LPO: variants seen among roughly 807,000 people sequenced by gnomAD.
LPO encodes lactoperoxidase.
Under a neutral mutation model 68.4 loss-of-function variants are expected in LPO, and 70 were observed. That is an observed-to-expected ratio of 1.02 (90% CI 0.84 to 1.25). The LOEUF (loss-of-function observed/expected upper bound fraction) is 1.25. Ranked by LOEUF, LPO falls within the 50% of genes most tolerant of loss-of-function variation. LPO has a pLI of 0.00. For synonymous variants in LPO, 360 were observed against 357.6 expected (o/e 1.01, Z -0.08); for missense variants, 873 against 908.4 (o/e 0.96, Z 0.50).
chr17:58,253,022 CAAAAAA>C lies in LPO; in HGVS notation c.1105+537_1105+542del, dbSNP rs765890765. Among the ~76,000 whole-genome samples the C allele has an allele frequency of 6.4e-3, 200 of 31,078 alleles. 1 individual carries two copies. Among genetic ancestry groups the C allele is most frequent in the African/African-American group, 0.024 (190 of 7,758 alleles). The allele number at this position is 31,078 out of a possible 152,430, so 20.4% of individuals were successfully genotyped here. On this transcript the variant is annotated intron_variant, in intron 8 of 12. Coordinates refer to ENST00000262290, the MANE Select transcript of LPO (RefSeq NM_006151.3). The stretch of plus-strand genomic sequence containing the variant: ...TGGGCAACAAAGCAAGACTCCATCT[CAAAAAA>C]AAAAAAAAAAAAAAAAAAAAGAAAG...
At chr17:58,249,375 G>T in intron 5 of LPO, 191 bp from the exon 6 acceptor site, 1 of 983,064 alleles carries the variant, frequency 1.0e-6, no homozygotes, top group Non-Finnish European at 1.5e-6. Flanking sequence ...TCTGGAAGCG[G>T]CACCTTTCCC....
At chr17:58,257,818 A>G (rs1970099792) in intron 9 of LPO, among the ~76,000 whole-genome samples, 1 of 152,174 alleles carries the variant, frequency 6.6e-6, no homozygotes, top group Admixed American at 6.5e-5. Flanking sequence ...TCTTTTTTAT[A>G]TAAGTTATTT....
chr17:58,242,768 C>G, intron 1 of LPO: 1 of 506,980 alleles, frequency 2.0e-6, no homozygotes, highest in Non-Finnish European at 3.5e-6. Flanking sequence ...TCTTTCCCTT[C>G]CACCATGTCT....
chr17:58,266,806 A>G (rs942233711), intron 11 of LPO, among the ~76,000 whole-genome samples: 1 of 152,182 alleles, frequency 6.6e-6, no homozygotes, highest in Admixed American at 6.5e-5. Context: ...AGAATGTCCC[A>G]TTTCCCCTAA....
chr17:58,252,757 C>T (rs1242319479), intron 8 of LPO, among the ~76,000 whole-genome samples: 2 of 151,302 alleles, frequency 1.3e-5, no homozygotes, highest in Non-Finnish European at 2.9e-5. Flanking sequence ...GGCTTGGTGG[C>T]TCACGCCTGT....
chr17:58,244,145 G>C, intron 3 of LPO, 64 bp downstream of exon 3: 11 of 1,310,718 alleles, frequency 8.4e-6, no homozygotes, highest in Non-Finnish European at 1.2e-5. Context: ...CCCTTCACAG[G>C]CTTCCTGTTC....
In LPO at chr17:58,267,414, G is replaced by A. The variant is rs766362520; in HGVS notation, c.1759G>A (p.Val587Met). The A allele has an allele frequency of 5.6e-6, 9 of 1,614,244 alleles. No individual in the cohort carries two copies. In the East Asian group the frequency reaches 2.0e-4, roughly 36 times the overall value. The change falls in exon 12 of 13, where the codon GTG becomes ATG. Residue 587 changes from valine (V) to methionine (M), a missense_variant. Physicochemically the swap from Val to Met is conservative, Grantham distance 21 (BLOSUM62 1). Coordinates refer to ENST00000262290, the MANE Select transcript of LPO (RefSeq NM_006151.3). ...GCAGACACTAGAGGAGTTGAACACA[G>A]TGCTGAAGAGCAAGATGCTGGCCAA... ...QPQTLEELNT[V>M]LKSKMLAKKL...
chr17:58,267,735 G>C, intron 12 of LPO, 52 bp from the exon 13 acceptor site: 1 of 1,551,624 alleles, frequency 6.4e-7, no homozygotes, highest in African/African-American at 1.4e-5. Flanking sequence ...GTGACAGAGT[G>C]GGGAGGGGCC....
chr17:58,240,386 A>G (rs1214005675), intron 1 of LPO, among the ~76,000 whole-genome samples: 3 of 152,116 alleles, frequency 2.0e-5, no homozygotes, highest in Non-Finnish European at 4.4e-5. Flanking sequence ...TGATAAGAAT[A>G]TGGATAAATA....
chr17:58,261,934 T>C (rs1483947285), intron 9 of LPO, among the ~76,000 whole-genome samples: 1 of 152,226 alleles, frequency 6.6e-6, no homozygotes, highest in African/African-American at 2.4e-5. Context: ...AAAACTCATT[T>C]CCATTTGGTC....
chr17:58,251,561 C>G (rs1421684705), intron 7 of LPO: 1 of 244,766 alleles, frequency 4.1e-6, no homozygotes, highest in African/African-American at 2.2e-5. Flanking sequence ...ATGGGTATTA[C>G]AGTTGGAGAG....
intron 9 of LPO, among the ~76,000 whole-genome samples, chr17:58,260,635 T>C (rs1970158632): frequency 3.3e-5 from 5 of 152,204 alleles, no homozygotes. Context: ...TCTGCATCAA[T>C]TGATAGGATC....
intron 3 of LPO, among the ~76,000 whole-genome samples, chr17:58,245,371 T>C (rs1295923081): frequency 6.6e-6 from 1 of 152,078 alleles, no homozygotes; most frequent in Non-Finnish European, 1.5e-5. Context: ...AAGCTCTCTC[T>C]CTCTCTCTCC....
At position 58,252,404 on chromosome 17, in the gene LPO, G is replaced by C. The variant is rs1348929666; in HGVS notation, c.1003G>C (p.Glu335Gln). The change falls in exon 8 of 13, where the codon GAG becomes CAG. Residue 335 changes from glutamate to glutamine, a missense_variant. Transcript: ENST00000262290. ...CCTGGGCCTCATGGCTGTCAACCAG[G>C]AGGTCTCAGACCATGGACTACCCTA... ...SPLGLMAVNQ[E>Q]VSDHGLPYLP... The C allele has an allele frequency of 6.2e-7, 1 of 1,614,148 alleles. No individual in the cohort carries two copies. The highest frequency in any genetic ancestry group is 2.2e-5 in the East Asian group (1 of 44,880).
intron 9 of LPO, among the ~76,000 whole-genome samples, chr17:58,261,074 T>C (rs1970166503): frequency 6.6e-6 from 1 of 152,192 alleles, no homozygotes; most frequent in African/African-American, 2.4e-5. Context: ...ATTCTGTGAG[T>C]TCCTAAAAAG....
intron 9 of LPO, among the ~76,000 whole-genome samples, chr17:58,263,184 T>G (rs1458690814): frequency 6.6e-6 from 1 of 152,252 alleles, no homozygotes; most frequent in Non-Finnish European, 1.5e-5. Context: ...TTTGTTTCTT[T>G]TTTATAATTT....
In LPO at chr17:58,244,090, GACACACAC is replaced by G. The variant is rs67390833; in HGVS notation, c.164+44_164+51del. ...CTGGACTCCCGAACCAGGTACGTGA[GACACACAC>G]ACACACACACACACACACACACACA... is the stretch of plus-strand genomic sequence containing the variant. On this transcript the variant is annotated intron_variant, in intron 3 of 12. Coordinates refer to ENST00000262290, the MANE Select transcript of LPO (RefSeq NM_006151.3). 5.9e-3 allele frequency: 6,207 copies of G among 1,058,936 alleles called. 15 individuals are homozygous for G. The highest frequency in any genetic ancestry group is 0.012 in the Middle Eastern group (58 of 4,712). 65.6% of individuals were successfully genotyped at this position (1,058,936 alleles called of 1,614,324 possible). A position where few individuals can be genotyped will look rare whatever the true frequency, so the allele number is the denominator to read the frequency against.
At chr17:58,248,429 C>T (rs934091625) in intron 4 of LPO, among the ~76,000 whole-genome samples, 5 of 152,120 alleles carry the variant, frequency 3.3e-5, no homozygotes, top group African/African-American at 7.2e-5. Flanking sequence ...CCCCATGAGC[C>T]AGATTCCCTC....
chr17:58,252,193 TGACCCCAAGGC>T lies in LPO; in HGVS notation c.794_804del (p.Asp265GlyfsTer79). 6.2e-7 allele frequency: 1 copy of T among 1,613,828 alleles called. No homozygotes were observed. The highest frequency in any genetic ancestry group is 1.1e-5 in the South Asian group (1 of 91,068). Reference sequence around the variant, plus strand: ...CACTCTCTCTGCAGTTCCCACCCAATGACCCCAAGGCGGGGACTCAAGGGAAATGCATGCCT... The same window carrying T: ...CACTCTCTCTGCAGTTCCCACCCAATGGGGACTCAAGGGAAATGCATGCCT... On this transcript the variant is annotated frameshift_variant, in exon 8 of 13. Coordinates refer to ENST00000262290, the MANE Select transcript of LPO (RefSeq NM_006151.3). LOFTEE classifies it high-confidence loss of function.
Sources: gnomAD v4.1 joint callset for allele counts (sites outside exome capture counted in the v4.1 genomes callset) on GRCh38, gnomAD v4.1.1 for gene constraint, MANE v1.5 for transcripts, NCBI Gene and HGNC (gene_info 2026-07-23, HGNC 2026-07-21) for gene names.